Variants in FAT3 observed in about 807,000 individuals in gnomAD.
The protein encoded by FAT3 is FAT atypical cadherin 3.
In FAT3, 95 loss-of-function variants were observed where a neutral mutation model predicts 310.2. That is an observed-to-expected ratio of 0.31 (90% CI 0.26 to 0.36). The LOEUF (loss-of-function observed/expected upper bound fraction) is 0.36, where lower values mean the gene tolerates loss of function less well. Among genes scored for constraint, FAT3 ranks in the 10% least tolerant of loss-of-function variants. The probability of loss-of-function intolerance (pLI) is 1.00; values close to 1 mark genes in which losing one functional copy is unlikely to be tolerated. For synonymous variants in FAT3, 2,314 were observed against 2,192.9 expected, an observed-to-expected ratio of 1.06 and a Z score of -1.54; for missense variants, 5,408 against 5,715.6, an observed-to-expected ratio of 0.95 and a Z score of 1.74.
chr11:92,894,170 T>A lies in FAT3; in HGVS notation c.*3057T>A, dbSNP rs992957131. On this transcript the variant is annotated 3_prime_UTR_variant, in exon 28 of 28. Coordinates refer to ENST00000525166, the MANE Select transcript of FAT3 (RefSeq NM_001367949.2). ...TTCTGAAAGCCTCATGATCTTATGT[T>A]TCCTTGCAGTCCCCCTAGGGAGAGG... 2 of 152,252 alleles carry A rather than the reference T, an allele frequency of 1.3e-5. No homozygotes were observed. Among genetic ancestry groups the A allele is most frequent in the Non-Finnish European group, 2.9e-5 (2 of 68,036 alleles). The allele number at this position is 152,252 out of a possible 1,614,324, so 9.4% of individuals were successfully genotyped here. A position where few individuals can be genotyped will look rare whatever the true frequency, so the allele number is the denominator to read the frequency against.
chr11:92,618,488 C>T (rs755552500), intron 3 of FAT3, among the ~76,000 whole-genome samples: 8 of 152,144 alleles, frequency 5.3e-5, no homozygotes, highest in Non-Finnish European at 1.2e-4. Context: ...ACCCACTGTC[C>T]GACAAGCCCC....
intron 9 of FAT3, among the ~76,000 whole-genome samples, chr11:92,797,534 T>C (rs1338672328): frequency 6.6e-6 from 1 of 152,204 alleles, no homozygotes; most frequent in Non-Finnish European, 1.5e-5. Flanking sequence ...AGATCTCTCC[T>C]TCGGGCTCTC....
intron 4 of FAT3, among the ~76,000 whole-genome samples, chr11:92,732,341 G>A (rs1945207239): frequency 6.6e-6 from 1 of 152,174 alleles, no homozygotes; most frequent in Non-Finnish European, 1.5e-5. Context: ...GCTCCTGGAA[G>A]TGGGATGAGG....
intron 3 of FAT3, among the ~76,000 whole-genome samples, chr11:92,568,484 C>A (rs1791554): frequency 0.46 from 69,254 of 151,924 alleles, 16,455 homozygotes; most frequent in African/African-American, 0.56. Context: ...GGGATTGATG[C>A]TAGCAATGGA....
rs758269918 is a variant in FAT3, at chr11:92,352,900, C to T, written c.788C>T (p.Ala263Val). The T allele has an allele frequency of 1.9e-6, 3 of 1,613,850 alleles. No individual in the cohort carries two copies. The highest frequency in any genetic ancestry group is 2.5e-6 in the Non-Finnish European group (3 of 1,179,870). The change falls in exon 2 of 28, where the codon GCC becomes GTC. Residue 263 changes from alanine to valine, a missense_variant. Coordinates refer to ENST00000525166, the MANE Select transcript of FAT3 (RefSeq NM_001367949.2). ...YVHIERINEH[A>V]PTIHVVTHVP... ...CACATTGAGCGCATAAATGAACATG[C>T]CCCAACAATCCATGTAGTCACTCAT...
At chr11:92,368,828 G>GTATATATATATATATATATATATA (rs1565263475) in intron 2 of FAT3, among the ~76,000 whole-genome samples, 10 of 108,134 alleles carry the variant, frequency 9.2e-5, no homozygotes, top group African/African-American at 5.7e-4. Context: ...ATGTTTGTGT[G>GTATATATATATATATATATATATA]TATACATATA....
At chr11:92,765,623 C>T (rs955693077) in intron 6 of FAT3, among the ~76,000 whole-genome samples, 1 of 152,010 alleles carries the variant, frequency 6.6e-6, no homozygotes. Flanking sequence ...ATCCAATCTG[C>T]CTTTTACGGT....
intron 3 of FAT3, among the ~76,000 whole-genome samples, chr11:92,551,175 C>T (rs192908209): frequency 7.9e-5 from 12 of 152,126 alleles, no homozygotes; most frequent in African/African-American, 2.9e-4. Context: ...GCAAATACCT[C>T]AATTACAGCA....
chr11:92,563,719 T>C (rs1955318637), intron 3 of FAT3, among the ~76,000 whole-genome samples: 1 of 151,508 alleles, frequency 6.6e-6, no homozygotes, highest in South Asian at 2.1e-4. Context: ...CAGAAGAGAG[T>C]GGGGGCCAAA....
At chr11:92,763,947 T>C (rs1946232624) in intron 5 of FAT3, among the ~76,000 whole-genome samples, 1 of 152,232 alleles carries the variant, frequency 6.6e-6, no homozygotes, top group Non-Finnish European at 1.5e-5. Flanking sequence ...CTATGCATTG[T>C]CACTGTTTCG....
intron 4 of FAT3, among the ~76,000 whole-genome samples, chr11:92,755,517 C>A (rs181278202): frequency 6.6e-6 from 1 of 152,304 alleles, no homozygotes; most frequent in East Asian, 1.9e-4. Flanking sequence ...AACCACTACA[C>A]CCTGCCAGAG....
At chr11:92,339,954 T>C (rs1232309752) in intron 1 of FAT3, among the ~76,000 whole-genome samples, 6 of 151,448 alleles carry the variant, frequency 4.0e-5, no homozygotes, top group Non-Finnish European at 7.4e-5. Flanking sequence ...CTACTAAAAA[T>C]ACAAAAAATT....
Position 92,774,206 on chromosome 11 carries a change from A to G in FAT3, c.4335+26A>G, listed in dbSNP as rs746319793. 79 of 1,584,332 alleles carry G rather than the reference A, an allele frequency of 5.0e-5. 1 individual carries two copies. In the East Asian group the frequency reaches 1.8e-3, roughly 36 times the overall value. ...GTGAGATGTTAAATTACTGAATAGC[A>G]GGAATGCTGAAAGAGCTGCCAAAGT... On this transcript the variant is annotated intron_variant, in intron 7 of 27. Transcript: ENST00000525166.
chr11:92,825,920 G>T (rs1449112091), intron 13 of FAT3, among the ~76,000 whole-genome samples: 4 of 152,104 alleles, frequency 2.6e-5, no homozygotes, highest in Admixed American at 1.3e-4. Flanking sequence ...AAACAACCCA[G>T]CATTCCAATT....
intron 3 of FAT3, among the ~76,000 whole-genome samples, chr11:92,597,886 T>G (rs1274816863): frequency 6.6e-6 from 1 of 152,200 alleles, no homozygotes; most frequent in Non-Finnish European, 1.5e-5. Flanking sequence ...ATTTTAAGTT[T>G]CTTAAGAGAA....
intron 1 of FAT3, among the ~76,000 whole-genome samples, chr11:92,316,469 CATGCCAAAAAT>C (rs1030841066): frequency 1.3e-5 from 2 of 152,130 alleles, no homozygotes; most frequent in African/African-American, 4.8e-5. Context: ...CTCCTAATGG[CATGCCAAAAAT>C]ATACCCCCAG....
At chr11:92,841,513 A>G (rs1430583784) in intron 18 of FAT3, among the ~76,000 whole-genome samples, 1 of 152,220 alleles carries the variant, frequency 6.6e-6, no homozygotes, top group Non-Finnish European at 1.5e-5. Context: ...ACTTTACTCC[A>G]TGAAACCTTC....
At chr11:92,781,740 A>T (rs2136134719) in intron 7 of FAT3, among the ~76,000 whole-genome samples, 1 of 152,332 alleles carries the variant, frequency 6.6e-6, no homozygotes, top group Non-Finnish European at 1.5e-5. Context: ...AGAGAATAAA[A>T]CTTTACATGC....
intron 4 of FAT3, among the ~76,000 whole-genome samples, chr11:92,723,528 T>C (rs1223509950): frequency 6.6e-6 from 1 of 152,182 alleles, no homozygotes; most frequent in Non-Finnish European, 1.5e-5. Context: ...CAAATTCACT[T>C]CCACATTTTC....
Sources: allele counts gnomAD v4.1 joint callset (sites outside exome capture counted in the v4.1 genomes callset), GRCh38; gene constraint gnomAD v4.1.1; transcripts MANE v1.5; gene names NCBI Gene and HGNC (gene_info 2026-07-23, HGNC 2026-07-21).